ADCY9: variants seen among roughly 807,000 people sequenced by gnomAD.
ADCY9 encodes adenylate cyclase type 9.
In ADCY9, 50 loss-of-function variants were observed where a neutral mutation model predicts 101.5. The ratio of observed to expected loss-of-function variants is 0.49; its 90% CI spans 0.39 to 0.62. ADCY9 has a LOEUF of 0.62. Ranked by LOEUF, ADCY9 falls within the 20% of genes least tolerant of loss-of-function variation. The pLI is 0.00. For missense variants in ADCY9, 1,662 were observed against 1,800.4 expected, an observed-to-expected ratio of 0.92 and a Z score of 1.39; for synonymous variants, 905 against 769.3, an observed-to-expected ratio of 1.18 and a Z score of -2.92.
intron 7 of ADCY9, among the ~76,000 whole-genome samples, chr16:3,979,877 C>T (rs1457354798): frequency 6.6e-6 from 1 of 152,242 alleles, no homozygotes; most frequent in Non-Finnish European, 1.5e-5. Context: ...AGGCTGTGTC[C>T]CAGCTACAAA....
chr16:4,074,479 G>A (rs1416367788), intron 2 of ADCY9, among the ~76,000 whole-genome samples: 1 of 151,242 alleles, frequency 6.6e-6, no homozygotes, highest in Non-Finnish European at 1.5e-5. Flanking sequence ...AGGAGCACTT[G>A]AGGCCAGGAG....
intron 5 of ADCY9, among the ~76,000 whole-genome samples, chr16:3,955,116 C>T (rs1391275693): frequency 2.0e-5 from 3 of 151,874 alleles, no homozygotes; most frequent in Admixed American, 6.6e-5. Flanking sequence ...ATTTGGGTCA[C>T]GGTCTGATTC....
intron 2 of ADCY9, among the ~76,000 whole-genome samples, chr16:4,065,324 G>A (rs1425372806): frequency 1.3e-5 from 2 of 152,214 alleles, no homozygotes; most frequent in African/African-American, 2.4e-5. Flanking sequence ...CCCTTCTAAC[G>A]CTGGCCGAAA....
At chr16:4,028,835 A>G (rs1371971798) in intron 2 of ADCY9, among the ~76,000 whole-genome samples, 3 of 151,716 alleles carry the variant, frequency 2.0e-5, no homozygotes, top group Admixed American at 6.6e-5. Flanking sequence ...CCCAAGCTAG[A>G]GTGCAGTGGC....
At chr16:4,072,964 T>C (rs904624731) in intron 2 of ADCY9, among the ~76,000 whole-genome samples, 3 of 136,884 alleles carry the variant, frequency 2.2e-5, no homozygotes, top group African/African-American at 5.4e-5. Flanking sequence ...GCAAAAAAAA[T>C]TTTTCAACAC....
chr16:3,959,892 G>T (rs1477665304), downstream of ADCY9, among the ~76,000 whole-genome samples: 1 of 152,166 alleles, frequency 6.6e-6, no homozygotes, highest in East Asian at 1.9e-4. Flanking sequence ...TAGGCGTGGT[G>T]GCGCATGCCT....
intron 2 of ADCY9, among the ~76,000 whole-genome samples, chr16:4,097,236 C>T (rs574504419): frequency 6.6e-6 from 1 of 151,866 alleles, no homozygotes; most frequent in South Asian, 2.1e-4. Flanking sequence ...CTCTGGCGCC[C>T]CTGGGCCCAT....
At chr16:3,987,683 C>T (rs561085162) in intron 6 of ADCY9, among the ~76,000 whole-genome samples, 1 of 152,174 alleles carries the variant, frequency 6.6e-6, no homozygotes, top group Non-Finnish European at 1.5e-5. Flanking sequence ...TCCCACCCCA[C>T]GAGGCATGAA....
chr16:4,033,931 G>A (rs1418639756), intron 2 of ADCY9, among the ~76,000 whole-genome samples: 2 of 152,174 alleles, frequency 1.3e-5, no homozygotes, highest in Non-Finnish European at 2.9e-5. Flanking sequence ...GCACATATTA[G>A]CACCGATGCT....
At chr16:3,961,105 G>A (rs1229561716), downstream of ADCY9, among the ~76,000 whole-genome samples, 2 of 152,148 alleles carry the variant, frequency 1.3e-5, no homozygotes, top group African/African-American at 4.8e-5. Context: ...TGCCTTTCTT[G>A]GCTGTTTGAG....
At chr16:4,067,156 A>C (rs1245907958) in intron 2 of ADCY9, among the ~76,000 whole-genome samples, 3 of 152,216 alleles carry the variant, frequency 2.0e-5, no homozygotes, top group African/African-American at 7.2e-5. Flanking sequence ...TTCATCCTAA[A>C]TTAGAAATAC....
intron 3 of ADCY9, among the ~76,000 whole-genome samples, chr16:4,004,533 C>A (rs1390784825): frequency 6.6e-6 from 1 of 152,200 alleles, no homozygotes; most frequent in East Asian, 1.9e-4. Flanking sequence ...GACTTCAGTC[C>A]TTCGCCTGGC....
At chr16:4,112,203 G>A (rs923709624) in intron 2 of ADCY9, among the ~76,000 whole-genome samples, 7 of 152,302 alleles carry the variant, frequency 4.6e-5, no homozygotes, top group East Asian at 1.9e-4. Flanking sequence ...ACTCAAGAGC[G>A]AGTGCCACCG....
At chr16:4,077,976 G>C (rs1163145548) in intron 2 of ADCY9, among the ~76,000 whole-genome samples, 1 of 148,884 alleles carries the variant, frequency 6.7e-6, no homozygotes, top group Non-Finnish European at 1.5e-5. Context: ...TCCAGCCTGG[G>C]CAATAAAGTG....
chr16:4,114,878 C>T lies in ADCY9; in HGVS notation c.565G>A (p.Ala189Thr). The change falls in exon 2 of 11, where the codon GCT (alanine) becomes ACT (threonine). Residue 189 changes from alanine (A) to threonine (T), a missense_variant. Physicochemically the swap from Ala to Thr is moderately conservative, Grantham distance 58. This residue lies in a region of ADCY9 where 422 missense variants were observed against 392.0 expected (regional missense o/e 1.08). Transcript: ENST00000294016. This position sits in a 1 kb window ranked among gnomAD's most constrained non-coding sequence, Gnocchi z 4.3. ...LTLLVFALTL[A>T]AQFQVLTPVS... ...GGCGTCAAGACCTGGAACTGCGCAG[C>T]CAGGGTCAGGGCGAACACCAGCAGG... 6.2e-7 allele frequency: 1 copy of T among 1,613,726 alleles called. No homozygotes were observed. Among genetic ancestry groups the T allele is most frequent in the Non-Finnish European group, 8.5e-7 (1 of 1,180,036 alleles).
intron 2 of ADCY9, among the ~76,000 whole-genome samples, chr16:4,105,331 T>C (rs2057069436): frequency 6.6e-6 from 1 of 152,172 alleles, no homozygotes; most frequent in Admixed American, 6.5e-5. Context: ...ATATAAATAA[T>C]GCACATAAGC....
chr16:4,109,648 G>C (rs1377927688), intron 2 of ADCY9, among the ~76,000 whole-genome samples: 1 of 152,132 alleles, frequency 6.6e-6, no homozygotes, highest in Non-Finnish European at 1.5e-5. Flanking sequence ...CCTCCTGCCA[G>C]TCGTTTGTTT....
intron 2 of ADCY9, among the ~76,000 whole-genome samples, chr16:4,098,168 G>T (rs1402273804): frequency 6.6e-6 from 1 of 152,024 alleles, no homozygotes; most frequent in Non-Finnish European, 1.5e-5. Flanking sequence ...TGCTGGGCTG[G>T]GGGAGGACTC....
chr16:4,035,591 T>A (rs1258954962), intron 2 of ADCY9, among the ~76,000 whole-genome samples: 1 of 152,138 alleles, frequency 6.6e-6, no homozygotes, highest in African/African-American at 2.4e-5. Context: ...CGAGGAAAGA[T>A]GGGAACACAG....
Sources: allele counts gnomAD v4.1 joint callset (sites outside exome capture counted in the v4.1 genomes callset), GRCh38; gene constraint gnomAD v4.1.1; regional missense constraint gnomAD v4.1.1; non-coding constraint Gnocchi (gnomAD v3.1); transcripts MANE v1.5; gene names NCBI Gene and HGNC (gene_info 2026-07-23, HGNC 2026-07-21).